SGK1: variants seen among roughly 807,000 people sequenced by gnomAD.
SGK1 encodes the protein serum/glucocorticoid regulated kinase 1.
Under a neutral mutation model 64.2 loss-of-function variants are expected in SGK1, and 26 were observed. The observed-to-expected ratio is 0.40, with a 90% CI of 0.30 to 0.56. The LOEUF (loss-of-function observed/expected upper bound fraction) is 0.56. Ranked by LOEUF, SGK1 falls within the 20% of genes least tolerant of loss-of-function variation. The pLI is 0.38. For synonymous variants in SGK1, 265 were observed against 239.7 expected, an observed-to-expected ratio of 1.11 and a Z score of -0.98; for missense variants, 519 against 645.6, an observed-to-expected ratio of 0.80 and a Z score of 2.12.
chr6:134,174,890 T>C (rs1775171355), intron 3 of SGK1: 15 of 1,590,764 alleles, frequency 9.4e-6, no homozygotes, highest in Admixed American at 1.8e-5. Flanking sequence ...CTCGGCCTTA[T>C]AAAAAAGGCA....
At chr6:134,228,143 T>A (rs187274308) in intron 2 of SGK1, among the ~76,000 whole-genome samples, 1 of 152,038 alleles carries the variant, frequency 6.6e-6, no homozygotes, top group Admixed American at 6.6e-5. Context: ...TTTGTAGAGA[T>A]GGGTTTTCAC....
chr6:134,312,257 G>C lies in SGK1; in HGVS notation c.69+5135C>G, dbSNP rs1021927428. 5.3e-5 allele frequency among the ~76,000 whole-genome samples: 8 copies of C among 152,294 alleles called. No individual in the cohort carries two copies. The South Asian group carries it at 1.5e-3, about 28-fold the overall frequency. ...GTTACCTGAGTAAAGTGCTTTGAACGGTGCTGCTCAATAATGTTATCCCTC... is the reference window on the plus strand; with the variant it reads ...GTTACCTGAGTAAAGTGCTTTGAACCGTGCTGCTCAATAATGTTATCCCTC... On this transcript the variant is annotated intron_variant, in intron 1 of 13. Coordinates refer to ENST00000367858, the MANE Select transcript of SGK1 (RefSeq NM_001143676.3).
chr6:134,312,669 G>A (rs77171832), intron 1 of SGK1, among the ~76,000 whole-genome samples: 3,595 of 152,258 alleles, frequency 0.024, 61 homozygotes, highest in East Asian at 0.066. Flanking sequence ...TCACTAACTA[G>A]CTATGTGACT....
At chr6:134,213,880 T>G (rs1775934359) in intron 2 of SGK1, among the ~76,000 whole-genome samples, 4 of 152,098 alleles carry the variant, frequency 2.6e-5, no homozygotes, top group East Asian at 3.9e-4. Context: ...AAAATAACAG[T>G]ATGCAATTTT....
intron 3 of SGK1, among the ~76,000 whole-genome samples, chr6:134,188,906 TTC>T (rs1051307701): frequency 1.5e-5 from 2 of 130,484 alleles, no homozygotes; most frequent in African/African-American, 6.6e-5. Flanking sequence ...CTATTTCTTT[TTC>T]TTTTTTTTTT....
chr6:134,171,259 C>T (rs746968315), intron 11 of SGK1, 81 bp from the exon 12 acceptor site: 269 of 1,317,014 alleles, frequency 2.0e-4, no homozygotes, highest in Non-Finnish European at 2.7e-4. Context: ...AAGATATAAA[C>T]GGCAATAAAT....
At chr6:134,172,535 G>A (rs1478262623) in intron 9 of SGK1, 127 bp downstream of exon 9, 15 of 788,066 alleles carry the variant, frequency 1.9e-5, no homozygotes, top group African/African-American at 1.6e-4. Context: ...CAGCTCACGT[G>A]CTAGGGGATC....
intron 3 of SGK1, among the ~76,000 whole-genome samples, chr6:134,178,273 C>T (rs903360542): frequency 1.9e-4 from 29 of 152,162 alleles, no homozygotes; most frequent in Admixed American, 1.3e-3. Context: ...CTAAACTTAT[C>T]ATTTAACCGA....
At chr6:134,221,803 C>A (rs541361939) in intron 2 of SGK1, among the ~76,000 whole-genome samples, 1 of 152,078 alleles carries the variant, frequency 6.6e-6, no homozygotes, top group African/African-American at 2.4e-5. Context: ...CAGGTGTGGG[C>A]CACCACACCT....
chr6:134,262,026 C>A lies in SGK1; in HGVS notation c.192G>T (p.Leu64Phe), dbSNP rs1776773648. 6.2e-7 allele frequency: 1 copy of A among 1,613,842 alleles called. No individual in the cohort carries two copies. The highest frequency in any genetic ancestry group is 8.5e-7 in the Non-Finnish European group (1 of 1,179,850). ...PPGEPDFESS[L>F]CQTCLGEHAF... Reference sequence around the variant, plus strand: ...CATGTTCACCCAGGCATGTTTGACACAAGGAAGACTCGAAGTCTGGCTCCC... The same window carrying A: ...CATGTTCACCCAGGCATGTTTGACAAAAGGAAGACTCGAAGTCTGGCTCCC... The change falls in exon 2 of 14, where the codon TTG becomes TTT. Residue 64 changes from leucine (L) to phenylalanine (F), a missense_variant. Physicochemically the swap from Leu to Phe is conservative, Grantham distance 22 (BLOSUM62 0). Coordinates refer to ENST00000367858, the MANE Select transcript of SGK1 (RefSeq NM_001143676.3).
rs1484513025 is a variant in SGK1 at position 134,269,838 on chromosome 6, AT to A, written c.70-7691del. Among the ~76,000 whole-genome samples the A allele has an allele frequency of 1.0e-4, 15 of 148,264 alleles. 1 individual carries two copies. The Middle Eastern group carries it at 0.014, about 134-fold the overall frequency. ...TGCTTCATAGCATGTCTCCTAAAAT[AT>A]AACAGTGCTGTAATATTCAGTAATA... On this transcript the variant is annotated intron_variant, in intron 1 of 13. Transcript: ENST00000367858.
intron 1 of SGK1, among the ~76,000 whole-genome samples, chr6:134,275,364 C>T (rs1353822712): frequency 6.6e-6 from 1 of 152,126 alleles, no homozygotes; most frequent in Non-Finnish European, 1.5e-5. Flanking sequence ...TTAATCTTAA[C>T]CTCACTGATA....
intron 2 of SGK1, among the ~76,000 whole-genome samples, chr6:134,218,487 G>A (rs1483212691): frequency 7.1e-6 from 1 of 140,896 alleles, no homozygotes; most frequent in Non-Finnish European, 1.5e-5. Flanking sequence ...AGGCTGGAGT[G>A]CAGTGGTGAT....
chr6:134,193,563 T>C (rs1265205001), intron 3 of SGK1, among the ~76,000 whole-genome samples: 1 of 151,280 alleles, frequency 6.6e-6, no homozygotes, highest in Middle Eastern at 3.2e-3. Context: ...GTACTTAGAG[T>C]GAGTTGCTGT....
At chr6:134,256,455 G>T (rs985498114) in intron 2 of SGK1, among the ~76,000 whole-genome samples, 2 of 152,050 alleles carry the variant, frequency 1.3e-5, no homozygotes, top group African/African-American at 2.4e-5. Flanking sequence ...ATCTTGATAC[G>T]ATCCTATGTT....
intron 2 of SGK1, among the ~76,000 whole-genome samples, chr6:134,209,154 C>T (rs1046018885): frequency 1.3e-5 from 2 of 152,136 alleles, no homozygotes; most frequent in Non-Finnish European, 2.9e-5. Context: ...TATTCTCAGG[C>T]CAGGCGTGGT....
At chr6:134,265,153 T>A (rs1439261206) in intron 1 of SGK1, among the ~76,000 whole-genome samples, 1 of 152,104 alleles carries the variant, frequency 6.6e-6, no homozygotes, top group Non-Finnish European at 1.5e-5. Flanking sequence ...TAATCACAAA[T>A]GTAAAAACAT....
Position 134,176,403 on chromosome 6 carries a change from G to A in SGK1, c.362-1817C>T, listed in dbSNP as rs911905708. On this transcript the variant is annotated intron_variant, in intron 3 of 13. Coordinates refer to ENST00000367858, the MANE Select transcript of SGK1 (RefSeq NM_001143676.3). ...GGCAGGGAAGAGAGGGAAGCTCGAG[G>A]CGGCGGCCCGGGCTCTGCAGAACAG... Among the ~76,000 whole-genome samples the A allele has an allele frequency of 2.0e-5, 3 of 152,264 alleles. 1 individual carries two copies. The South Asian group carries it at 6.2e-4, about 31-fold the overall frequency.
intron 1 of SGK1, among the ~76,000 whole-genome samples, chr6:134,285,743 G>A (rs58536223): frequency 7.8e-4 from 117 of 150,592 alleles, no homozygotes; most frequent in African/African-American, 2.7e-3. Context: ...TTCAGTTTTC[G>A]TTTCCTTGTA....
Sources: gnomAD v4.1 joint callset for allele counts (sites outside exome capture counted in the v4.1 genomes callset) on GRCh38, gnomAD v4.1.1 for gene constraint, MANE v1.5 for transcripts, NCBI Gene and HGNC (gene_info 2026-07-23, HGNC 2026-07-21) for gene names.